The following BMPR1B variants were observed in gnomAD, a reference collection of about 807,000 sequenced individuals.
BMPR1B encodes the protein bone morphogenetic protein receptor type-1B.
Under a neutral mutation model 59.1 loss-of-function variants are expected in BMPR1B, and 12 were observed. The ratio of observed to expected loss-of-function variants is 0.20; its 90% CI spans 0.13 to 0.33. The LOEUF is 0.33. BMPR1B is among the 10% of genes least tolerant of loss of function. The pLI, the probability that BMPR1B is intolerant of heterozygous loss-of-function variation, is 1.00. For synonymous variants in BMPR1B, 237 were observed against 207.3 expected (o/e 1.14, Z -1.23); for missense variants, 550 against 610.9 (o/e 0.90, Z 1.05).
chr4:95,108,474 C>T (rs1731352454), intron 4 of BMPR1B, among the ~76,000 whole-genome samples: 1 of 152,002 alleles, frequency 6.6e-6, no homozygotes, highest in Non-Finnish European at 1.5e-5. Context: ...CAAAAGGAGG[C>T]AAGAGTGAAT....
intron 4 of BMPR1B, among the ~76,000 whole-genome samples, chr4:95,106,352 C>T (rs940836754): frequency 2.0e-5 from 3 of 151,862 alleles, no homozygotes; most frequent in Non-Finnish European, 2.9e-5. Flanking sequence ...TAGAAGGAGA[C>T]AGAAGTGAAT....
At chr4:94,902,245 CACACAGAGAGAGAGAGAG>C (rs1180917408) in intron 2 of BMPR1B, among the ~76,000 whole-genome samples, 5 of 91,764 alleles carry the variant, frequency 5.4e-5, no homozygotes, top group African/African-American at 1.8e-4. Context: ...CACACACACA[CACACAGAGAGAGAGAGAG>C]AGAGAGAGAG....
chr4:94,972,643 A>G (rs1442481533), intron 2 of BMPR1B, among the ~76,000 whole-genome samples: 1 of 150,928 alleles, frequency 6.6e-6, no homozygotes, highest in Non-Finnish European at 1.5e-5. Context: ...TTTTGGTCTT[A>G]TAAGTGGATA....
intron 2 of BMPR1B, among the ~76,000 whole-genome samples, chr4:94,877,977 C>T (rs1292866076): frequency 6.6e-6 from 1 of 152,014 alleles, no homozygotes; most frequent in East Asian, 1.9e-4. Context: ...TGTGTATATG[C>T]ATTTACATTG....
intron 3 of BMPR1B, among the ~76,000 whole-genome samples, chr4:95,056,470 G>C (rs964367563): frequency 6.6e-6 from 1 of 152,082 alleles, no homozygotes; most frequent in Non-Finnish European, 1.5e-5. Context: ...CTTAAGTAGA[G>C]AAAGAAGTTT....
chr4:95,054,653 G>C (rs1726784263), intron 3 of BMPR1B, among the ~76,000 whole-genome samples: 2 of 152,094 alleles, frequency 1.3e-5, no homozygotes, highest in South Asian at 2.1e-4. Context: ...TGAATATAGT[G>C]CAATGTGTAA....
intron 1 of BMPR1B, among the ~76,000 whole-genome samples, chr4:94,844,257 G>C (rs964507854): frequency 1.8e-5 from 2 of 110,956 alleles, no homozygotes; most frequent in Non-Finnish European, 3.7e-5. Context: ...GTGTGTGTGT[G>C]AATCTTCTAG....
chr4:95,105,276 AAG>A (rs1395048416), intron 4 of BMPR1B, among the ~76,000 whole-genome samples: 1 of 152,048 alleles, frequency 6.6e-6, no homozygotes, highest in African/African-American at 2.4e-5. Context: ...AGTGTGTGCC[AAG>A]AGAGAAGTGG....
In BMPR1B at chr4:95,115,794, G is replaced by A; in HGVS notation, c.349+7G>A. On this transcript the variant is annotated splice_region_variant and intron_variant, in intron 6 of 12. Coordinates refer to ENST00000515059, the MANE Select transcript of BMPR1B (RefSeq NM_001203.3). ...CCTCCATTGAAAAACAGAGGTAAGTGAGGAAGGCTTCCAGCCTGGAAAATC... is the reference window on the plus strand; with the variant it reads ...CCTCCATTGAAAAACAGAGGTAAGTAAGGAAGGCTTCCAGCCTGGAAAATC... The A allele has an allele frequency of 6.2e-7, 1 of 1,602,244 alleles. No individual in the cohort carries two copies. Among genetic ancestry groups the A allele is most frequent in the Non-Finnish European group, 8.5e-7 (1 of 1,169,868 alleles).
At chr4:94,818,252 G>T (rs914719384) in intron 1 of BMPR1B, among the ~76,000 whole-genome samples, 1 of 152,092 alleles carries the variant, frequency 6.6e-6, no homozygotes, top group African/African-American at 2.4e-5. Flanking sequence ...ATTTATTCAA[G>T]AAATAATACT....
chr4:95,096,598 G>A (rs556457133), intron 3 of BMPR1B, among the ~76,000 whole-genome samples: 194 of 149,882 alleles, frequency 1.3e-3, no homozygotes, highest in African/African-American at 4.4e-3. Flanking sequence ...AAAATCCAAC[G>A]ATCCTCTGAA....
intron 1 of BMPR1B, among the ~76,000 whole-genome samples, chr4:94,826,839 C>G (rs1724401258): frequency 6.6e-6 from 1 of 151,980 alleles, no homozygotes; most frequent in South Asian, 2.1e-4. Flanking sequence ...AAAACCCTAC[C>G]TTTCCAAGAG....
intron 2 of BMPR1B, among the ~76,000 whole-genome samples, chr4:94,969,394 T>C (rs1730687706): frequency 6.6e-6 from 1 of 152,192 alleles, no homozygotes; most frequent in Non-Finnish European, 1.5e-5. Context: ...TCGCAGTCTG[T>C]CATCAAGATG....
intron 3 of BMPR1B, among the ~76,000 whole-genome samples, chr4:95,047,646 T>TA (rs1726148948): frequency 6.6e-6 from 1 of 151,866 alleles, no homozygotes; most frequent in African/African-American, 2.4e-5. Flanking sequence ...AAGCACAGCT[T>TA]AGAGTCAAGG....
At chr4:94,906,063 A>G (rs1213557769) in intron 2 of BMPR1B, among the ~76,000 whole-genome samples, 13 of 151,228 alleles carry the variant, frequency 8.6e-5, no homozygotes, top group Non-Finnish European at 1.3e-4. Context: ...TGTCAAGGAG[A>G]CTCCTAGTTC....
At chr4:94,867,733 T>C (rs536754113) in intron 1 of BMPR1B, among the ~76,000 whole-genome samples, 17 of 152,350 alleles carry the variant, frequency 1.1e-4, no homozygotes, top group African/African-American at 3.6e-4. Flanking sequence ...CTTTGAACCC[T>C]TGGGAAAACA....
intron 11 of BMPR1B, among the ~76,000 whole-genome samples, chr4:95,151,750 C>T (rs1482128920): frequency 1.3e-5 from 2 of 152,066 alleles, no homozygotes; most frequent in Non-Finnish European, 2.9e-5. Flanking sequence ...TCATCTTTTT[C>T]AGATGAAAAG....
chr4:94,838,573 G>T (rs1471738203), intron 1 of BMPR1B, among the ~76,000 whole-genome samples: 1 of 137,982 alleles, frequency 7.2e-6, no homozygotes. Context: ...TTCTCTGATG[G>T]TAGTTTGTAT....
intron 3 of BMPR1B, among the ~76,000 whole-genome samples, chr4:95,014,587 T>G (rs1723450511): frequency 6.6e-6 from 1 of 152,228 alleles, no homozygotes; most frequent in African/African-American, 2.4e-5. Context: ...GGCTTGGGCA[T>G]GATTGCATTC....
Sources: allele counts gnomAD v4.1 joint callset (sites outside exome capture counted in the v4.1 genomes callset), GRCh38; gene constraint gnomAD v4.1.1; transcripts MANE v1.5; gene names NCBI Gene and HGNC (gene_info 2026-07-23, HGNC 2026-07-21).